ANK1: variants seen among roughly 807,000 people sequenced by gnomAD.
ANK1 encodes ankyrin 1, also known as ankyrin-1.
Under a neutral mutation model 210.4 loss-of-function variants are expected in ANK1, and 51 were observed. The observed-to-expected ratio is 0.24, with a 90% confidence interval of 0.19 to 0.31. ANK1 has a LOEUF of 0.31. Ranked by LOEUF, ANK1 falls within the 10% of genes least tolerant of loss-of-function variation. ANK1 has a pLI of 1.00. For synonymous variants in ANK1, 967 were observed against 1,025.9 expected (o/e 0.94, Z 1.10); for missense variants, 2,051 against 2,504.4 (o/e 0.82, Z 3.86).
chr8:41,803,003 AAGAAAG>A (rs1268480151), intron 1 of ANK1, among the ~76,000 whole-genome samples: 2 of 47,752 alleles, frequency 4.2e-5, no homozygotes, highest in Non-Finnish European at 9.5e-5. Flanking sequence ...GAGAGAAAGA[AAGAAAG>A]AAAGAAAGAA....
chr8:41,663,443 C>T (rs1299402441), intron 40 of ANK1, among the ~76,000 whole-genome samples: 2 of 152,176 alleles, frequency 1.3e-5, no homozygotes, highest in Non-Finnish European at 2.9e-5. Flanking sequence ...TTCAGGTTGA[C>T]TCAGACAAAG....
intron 1 of ANK1, among the ~76,000 whole-genome samples, chr8:41,839,506 A>T (rs1808437911): frequency 6.6e-6 from 1 of 152,264 alleles, no homozygotes; most frequent in Admixed American, 6.5e-5. Flanking sequence ...AGCAGGAAAC[A>T]GGCTTGGCCT....
At chr8:41,803,502 C>T (rs1051114088) in intron 1 of ANK1, 2 of 152,182 alleles carry the variant, frequency 1.3e-5, no homozygotes, top group Non-Finnish European at 2.9e-5. Flanking sequence ...AATTATTATT[C>T]ACAAATCAGG....
intron 1 of ANK1, among the ~76,000 whole-genome samples, chr8:41,880,011 C>G (rs1817300129): frequency 1.3e-5 from 2 of 152,210 alleles, no homozygotes; most frequent in African/African-American, 4.8e-5. Flanking sequence ...GAACAACAAG[C>G]ATTTAACCCA....
At chr8:41,817,739 A>G (rs1336890953) in intron 1 of ANK1, among the ~76,000 whole-genome samples, 2 of 152,248 alleles carry the variant, frequency 1.3e-5, no homozygotes, top group Non-Finnish European at 2.9e-5. Flanking sequence ...CATGCTTTAT[A>G]TAAACCAAAG....
At chr8:41,689,185 C>T (rs780940366) in intron 33 of ANK1, among the ~76,000 whole-genome samples, 23 of 151,006 alleles carry the variant, frequency 1.5e-4, no homozygotes, top group Admixed American at 3.3e-4. Flanking sequence ...TGCGATGGCA[C>T]GATCATGGCT....
intron 2 of ANK1, among the ~76,000 whole-genome samples, chr8:41,751,702 C>A (rs1277304191): frequency 6.6e-6 from 1 of 152,106 alleles, no homozygotes; most frequent in Non-Finnish European, 1.5e-5. Flanking sequence ...TTCAAAGCCA[C>A]CCCGGGGTCC....
intron 1 of ANK1, among the ~76,000 whole-genome samples, chr8:41,769,618 C>G (rs773443335): frequency 1.3e-5 from 2 of 152,162 alleles, no homozygotes. Flanking sequence ...TTTTTAGCAA[C>G]TATTTGAGGA....
chr8:41,780,068 A>G (rs539398021), intron 1 of ANK1, among the ~76,000 whole-genome samples: 5 of 152,328 alleles, frequency 3.3e-5, no homozygotes, highest in African/African-American at 1.2e-4. Flanking sequence ...GCATTTGCCA[A>G]GTGCCTACCC....
chr8:41,843,655 A>T lies in ANK1; in HGVS notation c.126+52700T>A, dbSNP rs371565259. On this transcript the variant is annotated intron_variant, in intron 1 of 42. Coordinates refer to the ANK1 transcript ENST00000265709. ...AATCTAGAAAAATCTCATGAGAGGG[A>T]CTGGCAGACACTAACTTGTTCACCA... Among the ~76,000 whole-genome samples, 7 of 152,302 alleles carry T rather than the reference A, an allele frequency of 4.6e-5. No individual in the cohort carries two copies. The East Asian group carries it at 9.7e-4, about 21-fold the overall frequency.
chr8:41,871,039 C>T (rs1033085131), intron 1 of ANK1, among the ~76,000 whole-genome samples: 6 of 152,174 alleles, frequency 3.9e-5, no homozygotes, highest in African/African-American at 4.8e-5. Flanking sequence ...CTGCAGCCTC[C>T]GGGTCCCATG....
intron 1 of ANK1, among the ~76,000 whole-genome samples, chr8:41,786,463 G>A (rs1039619170): frequency 1.3e-5 from 2 of 152,236 alleles, no homozygotes; most frequent in Non-Finnish European, 2.9e-5. Flanking sequence ...ACACCTTCAG[G>A]CTGCCCCAGC....
At chr8:41,693,345 G>A (rs772799835) in intron 29 of ANK1, 144 bp from the exon 30 acceptor site, 9 of 700,538 alleles carry the variant, frequency 1.3e-5, no homozygotes, top group African/African-American at 7.2e-5. Context: ...CCCTCACCCC[G>A]CTGCTCTTCC....
At chr8:41,853,194 A>G (rs1563910659) in intron 1 of ANK1, among the ~76,000 whole-genome samples, 1 of 152,224 alleles carries the variant, frequency 6.6e-6, no homozygotes, top group Non-Finnish European at 1.5e-5. Context: ...ACTATTGTCA[A>G]TTTATAAGAG....
At chr8:41,692,443 GCCT>G (rs1245293348) in intron 31 of ANK1, among the ~76,000 whole-genome samples, 1 of 152,246 alleles carries the variant, frequency 6.6e-6, no homozygotes, top group African/African-American at 2.4e-5. Context: ...AAAGCCTGCA[GCCT>G]CCTCTGAGAT....
chr8:41,753,520 C>A (rs575223615), intron 2 of ANK1, among the ~76,000 whole-genome samples: 2 of 152,060 alleles, frequency 1.3e-5, no homozygotes, highest in African/African-American at 4.8e-5. Flanking sequence ...CCCAGGGGCA[C>A]GCTGTCCCAG....
At chr8:41,683,043 C>T (rs549296460) in intron 37 of ANK1, among the ~76,000 whole-genome samples, 2 of 152,280 alleles carry the variant, frequency 1.3e-5, no homozygotes, top group East Asian at 1.9e-4. Flanking sequence ...CGGACACACA[C>T]ACACATGTAT....
chr8:41,661,339 T>TG, intron 42 of ANK1, 91 bp downstream of exon 42: 1 of 1,543,110 alleles, frequency 6.5e-7, no homozygotes, highest in South Asian at 1.2e-5. Context: ...CACATCATGC[T>TG]GGGGTGGCTG....
At chr8:41,660,659 C>G (rs1274146702) in intron 42 of ANK1, among the ~76,000 whole-genome samples, 1 of 152,244 alleles carries the variant, frequency 6.6e-6, no homozygotes, top group African/African-American at 2.4e-5. Context: ...GCCCCATGCT[C>G]ACACACATGC....
Sources: gnomAD v4.1 joint callset for allele counts (sites outside exome capture counted in the v4.1 genomes callset) on GRCh38, gnomAD v4.1.1 for gene constraint, MANE v1.5 for transcripts, NCBI Gene and HGNC (gene_info 2026-07-23, HGNC 2026-07-21) for gene names.